Variants in LRBA observed in about 807,000 individuals in gnomAD.
LRBA encodes the protein LPS responsive beige-like anchor protein, also known as lipopolysaccharide-responsive and beige-like anchor protein.
Under a neutral mutation model 330.0 loss-of-function variants are expected in LRBA, and 176 were observed. The observed-to-expected ratio is 0.53, with a 90% confidence interval of 0.47 to 0.60. LRBA has a LOEUF of 0.60. Among genes scored for constraint, LRBA ranks in the 20% least tolerant of loss-of-function variants. The probability of loss-of-function intolerance (pLI) is 0.00; values close to 1 mark genes in which losing one functional copy is unlikely to be tolerated. For synonymous variants in LRBA, 1,230 were observed against 1,193.0 expected, an observed-to-expected ratio of 1.03 and a Z score of -0.64; for missense variants, 3,259 against 3,444.8, an observed-to-expected ratio of 0.95 and a Z score of 1.35.
chr4:150,724,200 G>A (rs1729346906), intron 36 of LRBA, among the ~76,000 whole-genome samples: 1 of 152,138 alleles, frequency 6.6e-6, no homozygotes, highest in Non-Finnish European at 1.5e-5. Flanking sequence ...ACCCAGTGCA[G>A]CCCTAGTGGT....
chr4:150,597,157 C>G, intron 38 of LRBA: 1 of 999,356 alleles, frequency 1.0e-6, no homozygotes, highest in Non-Finnish European at 1.5e-6. Flanking sequence ...CTTTCAATTA[C>G]TATCGAGAGT....
chr4:151,005,184 C>T (rs1048537157), intron 2 of LRBA, among the ~76,000 whole-genome samples: 8 of 151,824 alleles, frequency 5.3e-5, no homozygotes, highest in East Asian at 1.9e-4. Flanking sequence ...CGGTGGCTCA[C>T]GCCTGTAATC....
At chr4:150,705,197 G>T (rs918674937) in intron 36 of LRBA, among the ~76,000 whole-genome samples, 1 of 152,142 alleles carries the variant, frequency 6.6e-6, no homozygotes, top group African/African-American at 2.4e-5. Context: ...AGAATGAAGT[G>T]TATATTTCCC....
At chr4:151,009,713 G>A (rs1463050770) in intron 2 of LRBA, among the ~76,000 whole-genome samples, 1 of 152,136 alleles carries the variant, frequency 6.6e-6, no homozygotes, top group Non-Finnish European at 1.5e-5. Context: ...AGGCGCGGTG[G>A]CTCACGCCTG....
intron 6 of LRBA, 34 bp downstream of exon 6, chr4:150,916,583 G>A (rs200226281): frequency 3.8e-4 from 610 of 1,606,028 alleles, no homozygotes; most frequent in Non-Finnish European, 5.1e-4. Context: ...TTCAAAGTAA[G>A]GTTTTAACAC....
At chr4:150,443,511 G>A (rs1049594760) in intron 44 of LRBA, among the ~76,000 whole-genome samples, 1 of 152,088 alleles carries the variant, frequency 6.6e-6, no homozygotes, top group African/African-American at 2.4e-5. Flanking sequence ...GGAATACTAT[G>A]CAGCCATAAA....
intron 31 of LRBA, among the ~76,000 whole-genome samples, chr4:150,815,198 T>C (rs994948417): frequency 1.3e-5 from 2 of 151,926 alleles, no homozygotes; most frequent in African/African-American, 4.8e-5. Context: ...AATCATTTCA[T>C]AGATATTAAT....
chr4:150,375,543 C>T (rs1329725379), intron 47 of LRBA, among the ~76,000 whole-genome samples: 6 of 151,856 alleles, frequency 4.0e-5, no homozygotes, highest in South Asian at 4.2e-4. Flanking sequence ...CTGCAAACTC[C>T]GCCTCCCGAG....
At chr4:150,425,139 TC>T (rs1561159177) in intron 46 of LRBA, among the ~76,000 whole-genome samples, 1 of 152,222 alleles carries the variant, frequency 6.6e-6, no homozygotes, top group Admixed American at 6.5e-5. Flanking sequence ...CAAAATTATC[TC>T]TTTTGACAGA....
chr4:150,640,663 G>T (rs1778590954), intron 37 of LRBA, among the ~76,000 whole-genome samples: 1 of 152,030 alleles, frequency 6.6e-6, no homozygotes, highest in Non-Finnish European at 1.5e-5. Flanking sequence ...ATAATTTCTG[G>T]CACTGCCATA....
chr4:150,959,475 T>A (rs947111338), intron 2 of LRBA, among the ~76,000 whole-genome samples: 1 of 149,160 alleles, frequency 6.7e-6, no homozygotes, highest in Non-Finnish European at 1.5e-5. Flanking sequence ...AGAAACATGA[T>A]CAAAGTCTAG....
chr4:150,840,795 TA>T (rs1485011826), intron 28 of LRBA: 6 of 447,182 alleles, frequency 1.3e-5, no homozygotes, highest in Non-Finnish European at 1.6e-5. Context: ...CATCAATTTG[TA>T]AAAAATCCAG....
chr4:150,455,546 C>T (rs1476655191), intron 44 of LRBA, among the ~76,000 whole-genome samples: 2 of 151,920 alleles, frequency 1.3e-5, no homozygotes, highest in Non-Finnish European at 2.9e-5. Context: ...TTTATAGGTA[C>T]ATAGTTTGTG....
At chr4:150,988,195 T>C (rs929126542) in intron 2 of LRBA, among the ~76,000 whole-genome samples, 8 of 152,142 alleles carry the variant, frequency 5.3e-5, no homozygotes, top group African/African-American at 1.9e-4. Flanking sequence ...TTCAAAATTA[T>C]TTGAAGGGAT....
At chr4:150,627,436 G>T (rs1241387091) in intron 37 of LRBA, among the ~76,000 whole-genome samples, 4 of 151,810 alleles carry the variant, frequency 2.6e-5, no homozygotes, top group East Asian at 1.9e-4. Flanking sequence ...AAACACAAGG[G>T]TAGTTAATCT....
At chr4:150,404,493 T>TGATAAGAAGAACATGTGGCAG (rs1344229115) in intron 47 of LRBA, among the ~76,000 whole-genome samples, 1 of 152,132 alleles carries the variant, frequency 6.6e-6, no homozygotes, top group Admixed American at 6.6e-5. Flanking sequence ...CATACTGCAA[T>TGATAAGAAGAACATGTGGCAG]GATAAGAAGA....
chr4:150,502,031 C>G (rs965314463), intron 40 of LRBA, among the ~76,000 whole-genome samples: 1 of 152,142 alleles, frequency 6.6e-6, no homozygotes, highest in Admixed American at 6.5e-5. Context: ...GAGATCAAGG[C>G]ATCAAAAGCT....
intron 35 of LRBA, among the ~76,000 whole-genome samples, chr4:150,744,253 A>G (rs1732400485): frequency 6.6e-6 from 1 of 152,190 alleles, no homozygotes; most frequent in South Asian, 2.1e-4. Context: ...ACCTAAAACC[A>G]CATTGTGAAT....
intron 15 of LRBA, among the ~76,000 whole-genome samples, chr4:150,897,087 G>A (rs1429256032): frequency 6.6e-6 from 1 of 151,216 alleles, no homozygotes; most frequent in Non-Finnish European, 1.5e-5. Context: ...CAATTCAAAG[G>A]ACACTTTTTT....
Sources: allele counts gnomAD v4.1 joint callset (sites outside exome capture counted in the v4.1 genomes callset), GRCh38; gene constraint gnomAD v4.1.1; transcripts MANE v1.5; gene names NCBI Gene and HGNC (gene_info 2026-07-23, HGNC 2026-07-21).